The following GOSR1 variants were observed in gnomAD, a reference collection of about 807,000 sequenced individuals.
GOSR1 encodes 28 kDa Golgi SNARE protein.
Under a neutral mutation model 35.5 loss-of-function variants are expected in GOSR1, and 21 were observed. The ratio of observed to expected loss-of-function variants is 0.59; its 90% CI spans 0.42 to 0.85. The LOEUF (loss-of-function observed/expected upper bound fraction) is 0.85, where lower values mean the gene tolerates loss of function less well. Ranked by LOEUF, GOSR1 falls within the 40% of genes least tolerant of loss-of-function variation. The pLI is 0.00. For missense variants in GOSR1, 285 were observed against 309.6 expected, an observed-to-expected ratio of 0.92 and a Z score of 0.60; for synonymous variants, 94 against 106.6, an observed-to-expected ratio of 0.88 and a Z score of 0.73.
intron 4 of GOSR1, among the ~76,000 whole-genome samples, chr17:30,486,519 C>CA (rs534373224): frequency 0.035 from 3,422 of 97,600 alleles, 53 homozygotes; most frequent in African/African-American, 0.053. Flanking sequence ...GTGACTGTTT[C>CA]AAAAAAAAAA....
intron 5 of GOSR1, 147 bp downstream of exon 5, chr17:30,490,364 T>C: frequency 1.9e-6 from 1 of 528,376 alleles, no homozygotes; most frequent in Non-Finnish European, 3.5e-6. Flanking sequence ...TTAACATTGC[T>C]GCTACAATGT....
At chr17:30,496,554 AG>A (rs1161728612) in intron 6 of GOSR1, among the ~76,000 whole-genome samples, 25 of 152,186 alleles carry the variant, frequency 1.6e-4, no homozygotes, top group African/African-American at 6.0e-4. Flanking sequence ...TTTTAAACAC[AG>A]TGTTCCAGGC....
intron 7 of GOSR1, 79 bp downstream of exon 7, chr17:30,510,988 T>C: frequency 1.2e-6 from 1 of 818,068 alleles, no homozygotes; most frequent in Non-Finnish European, 2.0e-6. Context: ...TACAGCTGTT[T>C]TAGAATTAAA....
chr17:30,491,490 C>G (rs2143694246), intron 5 of GOSR1, among the ~76,000 whole-genome samples: 1 of 152,164 alleles, frequency 6.6e-6, no homozygotes, highest in South Asian at 2.1e-4. Flanking sequence ...GAAACCCCGT[C>G]TCTACTAAAA....
Position 30,524,360 on chromosome 17 carries a change from C to T in GOSR1, c.*1982C>T, listed in dbSNP as rs1263270683. The T allele has an allele frequency of 6.6e-6, 1 of 152,114 alleles. No homozygotes were observed. Among genetic ancestry groups the T allele is most frequent in the Non-Finnish European group, 1.5e-5 (1 of 68,018 alleles). The allele number at this position is 152,114 out of a possible 1,614,324, so 9.4% of individuals were successfully genotyped here. On this transcript the variant is annotated 3_prime_UTR_variant, in exon 9 of 9. Coordinates refer to ENST00000451249, the MANE Select transcript of GOSR1 (RefSeq NM_001007025.2). ...GATATTTGGGGAAAATTCTGTTTTT[C>T]ATAGATTCTTTGAGATGCTGATGGA...
chr17:30,482,547 A>G (rs931788617), intron 2 of GOSR1, among the ~76,000 whole-genome samples: 1 of 152,226 alleles, frequency 6.6e-6, no homozygotes, highest in Non-Finnish European at 1.5e-5. Context: ...AGAAGTGAGT[A>G]GGATATTTGT....
chr17:30,501,500 C>CT (rs964383095), intron 6 of GOSR1, among the ~76,000 whole-genome samples: 53 of 144,840 alleles, frequency 3.7e-4, no homozygotes, highest in South Asian at 4.4e-4. Flanking sequence ...TTTTCTTTTT[C>CT]TTTTTTTTTT....
At chr17:30,517,183 A>G (rs1967852334) in intron 7 of GOSR1, among the ~76,000 whole-genome samples, 2 of 151,934 alleles carry the variant, frequency 1.3e-5, no homozygotes, top group Admixed American at 6.6e-5. Flanking sequence ...TGTTCTTTTC[A>G]TTTTTCTTTA....
chr17:30,510,093 C>CA (rs1240426504), intron 6 of GOSR1, among the ~76,000 whole-genome samples: 6 of 152,128 alleles, frequency 3.9e-5, no homozygotes, highest in Non-Finnish European at 8.8e-5. Context: ...TTTTTTGAGA[C>CA]AGAGTCTTGC....
chr17:30,490,963 T>C (rs1915004736), intron 5 of GOSR1, among the ~76,000 whole-genome samples: 1 of 152,212 alleles, frequency 6.6e-6, no homozygotes. Flanking sequence ...TGTGATAAAT[T>C]ATGTGATACA....
rs574796246 is a variant in GOSR1 at position 30,524,012 on chromosome 17, A to G, written c.*1634A>G. On this transcript the variant is annotated 3_prime_UTR_variant, in exon 9 of 9. Transcript: ENST00000451249. Reference sequence around the variant, plus strand: ...ATGTGCTTTGTTAAACAGATGCTTGAAGGCAGCATGCTCCTTAAGAGTCAT... The same window carrying G: ...ATGTGCTTTGTTAAACAGATGCTTGGAGGCAGCATGCTCCTTAAGAGTCAT... 370 of 175,646 alleles carry G rather than the reference A, an allele frequency of 2.1e-3. 2 individuals carry two copies. Among genetic ancestry groups the G allele is most frequent in the Non-Finnish European group, 3.3e-3 (284 of 85,422 alleles). The allele number at this position is 175,646 out of a possible 1,614,324, so 10.9% of individuals were successfully genotyped here. A position where few individuals can be genotyped will look rare whatever the true frequency, so the allele number is the denominator to read the frequency against.
intron 7 of GOSR1, among the ~76,000 whole-genome samples, chr17:30,513,514 C>T (rs1435101051): frequency 6.6e-6 from 1 of 152,140 alleles, no homozygotes; most frequent in East Asian, 1.9e-4. Context: ...TACTGGAAAT[C>T]ATGCATCTTC....
chr17:30,520,962 T>C (rs911908047), intron 8 of GOSR1, among the ~76,000 whole-genome samples: 18 of 152,174 alleles, frequency 1.2e-4, no homozygotes, highest in Admixed American at 1.1e-3. Context: ...ATGAACTCAA[T>C]TGCCAGCCAG....
intron 6 of GOSR1, among the ~76,000 whole-genome samples, chr17:30,499,776 G>T (rs957408105): frequency 6.6e-6 from 1 of 152,164 alleles, no homozygotes; most frequent in African/African-American, 2.4e-5. Flanking sequence ...AGTGGTGTGT[G>T]GGAGTTCAAA....
chr17:30,481,295 C>CTT, intron 2 of GOSR1, 38 bp downstream of exon 2: 1 of 1,501,938 alleles, frequency 6.7e-7, no homozygotes, highest in East Asian at 2.3e-5. Context: ...TATGCCTTAA[C>CTT]TGTGTTTTTA....
intron 7 of GOSR1, among the ~76,000 whole-genome samples, chr17:30,512,834 G>A (rs907021392): frequency 6.6e-6 from 1 of 152,040 alleles, no homozygotes; most frequent in Non-Finnish European, 1.5e-5. Flanking sequence ...CCTTAATTAA[G>A]CTTTCACTTC....
intron 2 of GOSR1, among the ~76,000 whole-genome samples, chr17:30,482,639 G>T (rs1323223228): frequency 6.6e-6 from 1 of 152,138 alleles, no homozygotes; most frequent in Non-Finnish European, 1.5e-5. Context: ...CCCTACTATA[G>T]TGTATACATT....
At chr17:30,500,033 T>C (rs1483569541) in intron 6 of GOSR1, among the ~76,000 whole-genome samples, 2 of 152,154 alleles carry the variant, frequency 1.3e-5, no homozygotes, top group African/African-American at 4.8e-5. Context: ...TTGTGGGCTT[T>C]TTTCTATTGT....
chr17:30,510,993 A>G, intron 7 of GOSR1, 84 bp downstream of exon 7: 1 of 793,762 alleles, frequency 1.3e-6, no homozygotes, highest in Non-Finnish European at 2.1e-6. Flanking sequence ...CTGTTTTAGA[A>G]TTAAAGAAAA....
Sources: gnomAD v4.1 joint callset for allele counts (sites outside exome capture counted in the v4.1 genomes callset) on GRCh38, gnomAD v4.1.1 for gene constraint, MANE v1.5 for transcripts, NCBI Gene and HGNC (gene_info 2026-07-23, HGNC 2026-07-21) for gene names.